The following PTPRD variants were observed in gnomAD, a reference collection of about 807,000 sequenced individuals.
PTPRD encodes the protein receptor-type tyrosine-protein phosphatase delta.
A neutral mutation model predicts 214.5 loss-of-function variants in PTPRD; 34 were observed. That is an observed-to-expected ratio of 0.16 (90% CI 0.12 to 0.21). The LOEUF (loss-of-function observed/expected upper bound fraction) is 0.21, where lower values mean the gene tolerates loss of function less well. Ranked by LOEUF, PTPRD falls within the 10% of genes least tolerant of loss-of-function variation. The pLI is 1.00. For missense variants in PTPRD, 2,545 were observed against 2,398.7 expected (o/e 1.06, Z -1.27); for synonymous variants, 1,128 against 845.7 (o/e 1.33, Z -5.79).
rs528504330 is a variant in PTPRD at position 9,078,966 on chromosome 9, A to G, written c.-142-60231T>C. Among the ~76,000 whole-genome samples, 17 of 152,222 alleles carry G rather than the reference A, an allele frequency of 1.1e-4. No homozygotes were observed. In the South Asian group the frequency reaches 2.9e-3, roughly 26 times the overall value. ...GAGTGATCAGATCAGGGTAATTAGC[A>G]TAGCCATGTTTCAATACTCATGATG... is the stretch of plus-strand genomic sequence containing the variant. On this transcript the variant is annotated intron_variant, in intron 10 of 45. Coordinates refer to ENST00000381196, the MANE Select transcript of PTPRD (RefSeq NM_002839.4).
chr9:10,135,570 A>C (rs1240921707), intron 3 of PTPRD, among the ~76,000 whole-genome samples: 2 of 152,158 alleles, frequency 1.3e-5, no homozygotes, highest in Non-Finnish European at 2.9e-5. Context: ...ATGGGGGTCT[A>C]TATTTAGCAT....
chr9:8,848,287 G>A (rs535392634), intron 11 of PTPRD, among the ~76,000 whole-genome samples: 4 of 144,908 alleles, frequency 2.8e-5, no homozygotes, highest in East Asian at 4.1e-4. Flanking sequence ...GAGAGGCAAC[G>A]TACTTATTAA....
chr9:10,326,828 T>C (rs2096651405), intron 3 of PTPRD, among the ~76,000 whole-genome samples: 1 of 151,496 alleles, frequency 6.6e-6, no homozygotes, highest in Non-Finnish European at 1.5e-5. Flanking sequence ...TAAAATGTAC[T>C]TTGACAATTT....
At chr9:9,112,242 C>A (rs1021780783) in intron 10 of PTPRD, among the ~76,000 whole-genome samples, 4 of 152,162 alleles carry the variant, frequency 2.6e-5, no homozygotes, top group Non-Finnish European at 5.9e-5. Flanking sequence ...GTGCCCTCCT[C>A]TAGCTAATAA....
intron 23 of PTPRD, among the ~76,000 whole-genome samples, chr9:8,502,085 T>C (rs186401610): frequency 1.3e-5 from 2 of 152,302 alleles, no homozygotes; most frequent in African/African-American, 2.4e-5. Flanking sequence ...ACATACTTTC[T>C]TACTGCCCAT....
At chr9:9,669,664 A>T (rs1484768553) in intron 7 of PTPRD, among the ~76,000 whole-genome samples, 1 of 152,186 alleles carries the variant, frequency 6.6e-6, no homozygotes, top group Non-Finnish European at 1.5e-5. Context: ...TAATGAATAC[A>T]TTTATGAGTC....
chr9:9,897,421 T>C (rs1439736980), intron 5 of PTPRD, among the ~76,000 whole-genome samples: 2 of 151,966 alleles, frequency 1.3e-5, no homozygotes, highest in Non-Finnish European at 2.9e-5. Flanking sequence ...AAAATACATA[T>C]TTGAGGGAAA....
At chr9:9,688,697 T>C (rs1044855412) in intron 7 of PTPRD, among the ~76,000 whole-genome samples, 5 of 151,908 alleles carry the variant, frequency 3.3e-5, no homozygotes, top group Admixed American at 3.3e-4. Flanking sequence ...CTCTAATCTC[T>C]TAATATTCTA....
At chr9:10,365,370 A>G (rs1362998069) in intron 2 of PTPRD, among the ~76,000 whole-genome samples, 1 of 152,190 alleles carries the variant, frequency 6.6e-6, no homozygotes, top group African/African-American at 2.4e-5. Flanking sequence ...TCTCTTCCCA[A>G]GTAGCTACAT....
At chr9:8,755,281 G>C (rs1003632923) in intron 11 of PTPRD, among the ~76,000 whole-genome samples, 1 of 150,556 alleles carries the variant, frequency 6.6e-6, no homozygotes, top group East Asian at 2.0e-4. Flanking sequence ...TGTAATCCCA[G>C]CACTTTGGGA....
chr9:8,325,417 C>T (rs1378350536), intron 44 of PTPRD, among the ~76,000 whole-genome samples: 1 of 148,790 alleles, frequency 6.7e-6, no homozygotes, highest in Non-Finnish European at 1.5e-5. Flanking sequence ...TGTGGTGTTA[C>T]TTCTGAGGCC....
intron 14 of PTPRD, among the ~76,000 whole-genome samples, chr9:8,593,657 G>T (rs2094282420): frequency 6.6e-6 from 1 of 152,124 alleles, no homozygotes; most frequent in East Asian, 1.9e-4. Flanking sequence ...GTGAAACACT[G>T]TATCATAAAA....
intron 9 of PTPRD, among the ~76,000 whole-genome samples, chr9:9,370,244 C>G (rs2059090274): frequency 6.6e-6 from 1 of 152,104 alleles, no homozygotes; most frequent in African/African-American, 2.4e-5. Context: ...TACCCATGAG[C>G]ATGGAATGTT....
intron 2 of PTPRD, among the ~76,000 whole-genome samples, chr9:10,518,767 C>T (rs1414023863): frequency 1.3e-5 from 2 of 151,832 alleles, no homozygotes; most frequent in African/African-American, 2.4e-5. Flanking sequence ...CTCCTGACCT[C>T]GTGATCTGCC....
intron 35 of PTPRD, among the ~76,000 whole-genome samples, chr9:8,425,108 T>A (rs1297452340): frequency 6.6e-6 from 1 of 152,174 alleles, no homozygotes; most frequent in Non-Finnish European, 1.5e-5. Context: ...TGACAAATAA[T>A]ACTGCCACTA....
intron 3 of PTPRD, among the ~76,000 whole-genome samples, chr9:10,311,955 C>A (rs187319758): frequency 9.2e-5 from 14 of 151,978 alleles, no homozygotes; most frequent in African/African-American, 3.4e-4. Flanking sequence ...TCTTCCCTGG[C>A]CTCCAACATT....
At chr9:9,565,564 G>A (rs1052050752) in intron 8 of PTPRD, among the ~76,000 whole-genome samples, 6 of 151,670 alleles carry the variant, frequency 4.0e-5, no homozygotes, top group Non-Finnish European at 8.8e-5. Context: ...CTTTATTAAT[G>A]TATAAAAATG....
chr9:9,541,220 G>A (rs2077520530), intron 8 of PTPRD, among the ~76,000 whole-genome samples: 1 of 151,750 alleles, frequency 6.6e-6, no homozygotes, highest in Non-Finnish European at 1.5e-5. Flanking sequence ...TATAAGTGGA[G>A]CCTTGAAAAG....
At chr9:8,683,210 C>T (rs953910986) in intron 12 of PTPRD, among the ~76,000 whole-genome samples, 1 of 152,178 alleles carries the variant, frequency 6.6e-6, no homozygotes, top group African/African-American at 2.4e-5. Flanking sequence ...TGTGGTGTCT[C>T]TCTGAAGGAA....
Sources: allele counts gnomAD v4.1 joint callset (sites outside exome capture counted in the v4.1 genomes callset), GRCh38; gene constraint gnomAD v4.1.1; transcripts MANE v1.5; gene names NCBI Gene and HGNC (gene_info 2026-07-23, HGNC 2026-07-21).